DMXL1: variants seen among roughly 807,000 people sequenced by gnomAD.
The protein encoded by DMXL1 is Dmx like 1.
DMXL1 carries 99 observed loss-of-function variants against 319.2 expected under a neutral mutation model. The observed-to-expected ratio is 0.31, with a 90% confidence interval of 0.26 to 0.37. The LOEUF is 0.37. Among genes scored for constraint, DMXL1 ranks in the 10% least tolerant of loss-of-function variants. The pLI is 1.00. For missense variants in DMXL1, 3,745 were observed against 3,595.6 expected, an observed-to-expected ratio of 1.04 and a Z score of -1.06; for synonymous variants, 1,385 against 1,235.2, an observed-to-expected ratio of 1.12 and a Z score of -2.54.
chr5:119,080,833 C>T (rs1217029068), intron 1 of DMXL1, among the ~76,000 whole-genome samples: 1 of 152,128 alleles, frequency 6.6e-6, no homozygotes, highest in African/African-American at 2.4e-5. Context: ...GTAGCTATAT[C>T]TAACGTCTTT....
chr5:119,188,912 G>A (rs900237959), intron 28 of DMXL1, among the ~76,000 whole-genome samples: 1 of 152,086 alleles, frequency 6.6e-6, no homozygotes, highest in Admixed American at 6.6e-5. Context: ...AAATCTCATC[G>A]GAGCCATTAA....
chr5:119,085,705 G>A (rs1300264648), intron 1 of DMXL1, among the ~76,000 whole-genome samples: 1 of 151,934 alleles, frequency 6.6e-6, no homozygotes, highest in East Asian at 1.9e-4. Flanking sequence ...AACTGCTCTG[G>A]CCAGGACTTC....
chr5:119,113,500 C>T (rs1054035789), intron 5 of DMXL1, among the ~76,000 whole-genome samples: 1 of 152,214 alleles, frequency 6.6e-6, no homozygotes, highest in Non-Finnish European at 1.5e-5. Context: ...TTCAGGCTCC[C>T]AAGGTGCTGG....
intron 9 of DMXL1, chr5:119,127,872 C>A: frequency 2.9e-6 from 1 of 343,868 alleles, no homozygotes; most frequent in South Asian, 2.6e-5. Context: ...ATCAGCATGT[C>A]TGCTTTGGCA....
At chr5:119,225,476 C>G (rs1785368988) in intron 38 of DMXL1, among the ~76,000 whole-genome samples, 1 of 151,318 alleles carries the variant, frequency 6.6e-6, no homozygotes. Flanking sequence ...TAAGTTATGC[C>G]CTTCGTCAAA....
intron 13 of DMXL1, among the ~76,000 whole-genome samples, chr5:119,141,413 A>C (rs1767315960): frequency 6.6e-6 from 1 of 152,196 alleles, no homozygotes; most frequent in Non-Finnish European, 1.5e-5. Context: ...TTCAGGATAC[A>C]AAAATTAATG....
rs761505617 is a variant in DMXL1, at chr5:119,149,368, C to T, written c.3541C>T (p.Leu1181=). 2.5e-6 allele frequency: 4 copies of T among 1,613,920 alleles called. No individual in the cohort carries two copies. Among genetic ancestry groups the T allele is most frequent in the East Asian group, 4.5e-5 (2 of 44,874 alleles). Residue 1181 remains leucine, a synonymous_variant, in exon 18 of 44, where the codon CTG becomes TTG. Coordinates refer to ENST00000539542, the MANE Select transcript of DMXL1 (RefSeq NM_001290321.3). ...ACAAGACCAAACTGGTAAGGAAACC[C>T]TGGCATTTCCTCTCTGGGAGAGTAC... ...KVQDQTGKET[L]AFPLWESTKV... is the part of the protein sequence containing the mutation.
intron 39 of DMXL1, among the ~76,000 whole-genome samples, chr5:119,234,863 G>T (rs1050948800): frequency 5.9e-5 from 9 of 151,790 alleles, no homozygotes; most frequent in African/African-American, 1.7e-4. Flanking sequence ...ACCCTTCAAG[G>T]CTCCTCATGT....
intron 19 of DMXL1, among the ~76,000 whole-genome samples, chr5:119,163,863 G>C (rs11241490): frequency 0.58 from 87,797 of 151,854 alleles, 26,161 homozygotes; most frequent in East Asian, 0.96. Flanking sequence ...GCATGAGCCA[G>C]CGCGCCCGGC....
At chr5:119,152,922 G>A (rs1429154657) in intron 19 of DMXL1, among the ~76,000 whole-genome samples, 3 of 151,058 alleles carry the variant, frequency 2.0e-5, no homozygotes, top group African/African-American at 7.3e-5. Flanking sequence ...TTCTCATTTT[G>A]CATATAGCTT....
intron 8 of DMXL1, among the ~76,000 whole-genome samples, chr5:119,119,521 A>G (rs1168384973): frequency 6.6e-6 from 1 of 151,854 alleles, no homozygotes; most frequent in East Asian, 1.9e-4. Flanking sequence ...GAATAGTAAT[A>G]CAGATTCTTC....
chr5:119,186,784 C>G (rs541680690), intron 28 of DMXL1, among the ~76,000 whole-genome samples: 1 of 152,136 alleles, frequency 6.6e-6, no homozygotes, highest in East Asian at 1.9e-4. Flanking sequence ...TCTTAGAAAA[C>G]CACAGTGCAG....
intron 34 of DMXL1, among the ~76,000 whole-genome samples, chr5:119,211,261 A>C (rs944828646): frequency 1.3e-5 from 2 of 152,150 alleles, no homozygotes; most frequent in Non-Finnish European, 2.9e-5. Context: ...GATTAGTGCT[A>C]GACTCTTAGA....
intron 25 of DMXL1, among the ~76,000 whole-genome samples, chr5:119,172,459 T>C (rs936638150): frequency 1.3e-5 from 2 of 152,208 alleles, no homozygotes; most frequent in African/African-American, 4.8e-5. Context: ...GCTGCAGTGC[T>C]TGTTAAAAGT....
intron 26 of DMXL1, among the ~76,000 whole-genome samples, chr5:119,175,803 G>A (rs1775683517): frequency 6.6e-6 from 1 of 151,986 alleles, no homozygotes; most frequent in Non-Finnish European, 1.5e-5. Flanking sequence ...TGATGTATAG[G>A]ATATTTCTCT....
intron 5 of DMXL1, among the ~76,000 whole-genome samples, chr5:119,113,388 C>T (rs959588865): frequency 6.6e-6 from 1 of 152,092 alleles, no homozygotes; most frequent in Non-Finnish European, 1.5e-5. Context: ...ATTACGGGGG[C>T]ATGCCACCAC....
At chr5:119,114,447 A>T in intron 5 of DMXL1, 28 bp from the exon 6 acceptor site, 1 of 1,502,392 alleles carries the variant, frequency 6.7e-7, no homozygotes, top group Non-Finnish European at 9.1e-7. Context: ...TTTCATTGCA[A>T]ATTATTCCTT....
intron 28 of DMXL1, among the ~76,000 whole-genome samples, chr5:119,184,997 A>T (rs2150348062): frequency 6.6e-6 from 1 of 152,306 alleles, no homozygotes; most frequent in African/African-American, 2.4e-5. Context: ...TCCATAAAAC[A>T]TGCTTGACCA....
chr5:119,158,232 A>G (rs1771529790), intron 19 of DMXL1, among the ~76,000 whole-genome samples: 3 of 150,606 alleles, frequency 2.0e-5, no homozygotes. Flanking sequence ...TTAAGTAGCA[A>G]TGATTAATGA....
Sources: allele counts gnomAD v4.1 joint callset (sites outside exome capture counted in the v4.1 genomes callset), GRCh38; gene constraint gnomAD v4.1.1; transcripts MANE v1.5; gene names NCBI Gene and HGNC (gene_info 2026-07-23, HGNC 2026-07-21).